TMTC2: variants seen among roughly 807,000 people sequenced by gnomAD.
The protein encoded by TMTC2 is transmembrane O-mannosyltransferase targeting cadherins 2, also known as protein O-mannosyl-transferase TMTC2.
In TMTC2, 43 loss-of-function variants were observed where a neutral mutation model predicts 82.4. The observed-to-expected ratio is 0.52, with a 90% CI of 0.41 to 0.67. The LOEUF (loss-of-function observed/expected upper bound fraction) is 0.67, where lower values mean the gene tolerates loss of function less well. Ranked by LOEUF, TMTC2 falls within the 30% of genes least tolerant of loss-of-function variation. TMTC2 has a pLI of 0.00. For missense variants in TMTC2, 919 were observed against 1,012.4 expected, an observed-to-expected ratio of 0.91 and a Z score of 1.25; for synonymous variants, 408 against 381.9, an observed-to-expected ratio of 1.07 and a Z score of -0.80.
At chr12:82,730,886 A>C (rs1294178028) in intron 1 of TMTC2, among the ~76,000 whole-genome samples, 2 of 152,212 alleles carry the variant, frequency 1.3e-5, no homozygotes, top group African/African-American at 4.8e-5. Flanking sequence ...ATGGATAGCT[A>C]TTCTGCTTTT....
At chr12:83,117,770 T>A (rs920560098) in intron 11 of TMTC2, among the ~76,000 whole-genome samples, 3 of 152,188 alleles carry the variant, frequency 2.0e-5, no homozygotes, top group African/African-American at 7.2e-5. Flanking sequence ...ACAATATTGA[T>A]TCTACCCATC....
At chr12:83,034,952 G>T (rs1205550481) in intron 9 of TMTC2, among the ~76,000 whole-genome samples, 1 of 152,208 alleles carries the variant, frequency 6.6e-6, no homozygotes. Context: ...TATGCCAACA[G>T]ATTGAATGAA....
intron 2 of TMTC2, among the ~76,000 whole-genome samples, chr12:82,862,552 A>G (rs952941009): frequency 5.9e-5 from 9 of 152,188 alleles, no homozygotes; most frequent in Non-Finnish European, 1.5e-5. Flanking sequence ...GCTAAAGTTT[A>G]TGTAGTTGGT....
chr12:82,857,787 C>G (rs558307788), intron 2 of TMTC2, among the ~76,000 whole-genome samples: 1 of 152,286 alleles, frequency 6.6e-6, no homozygotes, highest in South Asian at 2.1e-4. Flanking sequence ...TGGTTTCTTA[C>G]TTTCATGATT....
intron 11 of TMTC2, among the ~76,000 whole-genome samples, chr12:83,107,437 A>T (rs1187095793): frequency 6.6e-6 from 1 of 152,194 alleles, no homozygotes; most frequent in Non-Finnish European, 1.5e-5. Context: ...ACTTGGTGAG[A>T]CAGAGGAAAT....
chr12:82,736,438 G>A (rs570573888), intron 1 of TMTC2, among the ~76,000 whole-genome samples: 1 of 152,160 alleles, frequency 6.6e-6, no homozygotes, highest in East Asian at 1.9e-4. Context: ...ACATCTGTCA[G>A]TTTTTACTTT....
intron 11 of TMTC2, among the ~76,000 whole-genome samples, chr12:83,106,474 G>A (rs1276841848): frequency 6.8e-6 from 1 of 146,308 alleles, no homozygotes; most frequent in Non-Finnish European, 1.5e-5. Context: ...ACTCCAGCCT[G>A]GACAACAAGA....
At chr12:83,043,152 A>G (rs1217543415) in intron 9 of TMTC2, among the ~76,000 whole-genome samples, 6 of 152,216 alleles carry the variant, frequency 3.9e-5, no homozygotes, top group Non-Finnish European at 5.9e-5. Flanking sequence ...ACTCAGAAAA[A>G]GACACTCAGC....
At chr12:82,818,382 A>C (rs1292278413) in intron 1 of TMTC2, among the ~76,000 whole-genome samples, 1 of 152,106 alleles carries the variant, frequency 6.6e-6, no homozygotes, top group East Asian at 1.9e-4. Flanking sequence ...TGGGAAGTCC[A>C]AAAAATGAGG....
intron 11 of TMTC2, among the ~76,000 whole-genome samples, chr12:83,085,397 A>G (rs568969256): frequency 2.6e-5 from 4 of 152,178 alleles, no homozygotes; most frequent in Non-Finnish European, 5.9e-5. Flanking sequence ...AGTCAGAGAC[A>G]GTTTTCATCA....
At chr12:82,815,310 T>G (rs950233363) in intron 1 of TMTC2, among the ~76,000 whole-genome samples, 1 of 149,052 alleles carries the variant, frequency 6.7e-6, no homozygotes, top group Non-Finnish European at 1.5e-5. Flanking sequence ...AATTAATTAA[T>G]TATTTATTTA....
chr12:83,124,307 G>T (rs1383397516), intron 11 of TMTC2, among the ~76,000 whole-genome samples: 2 of 152,122 alleles, frequency 1.3e-5, no homozygotes, highest in Non-Finnish European at 2.9e-5. Flanking sequence ...CCTACATCAG[G>T]TTTTTCTGCT....
At chr12:83,125,077 G>T (rs534808411) in intron 11 of TMTC2, among the ~76,000 whole-genome samples, 138 of 152,162 alleles carry the variant, frequency 9.1e-4, no homozygotes, top group Non-Finnish European at 1.7e-3. Flanking sequence ...AGGTTATTCT[G>T]CATGCTGGCT....
intron 8 of TMTC2, among the ~76,000 whole-genome samples, chr12:83,025,052 G>T (rs955028049): frequency 6.6e-6 from 1 of 152,078 alleles, no homozygotes; most frequent in Middle Eastern, 3.2e-3. Context: ...AATTAGCCGG[G>T]TGTGGTGGTG....
At chr12:82,749,064 T>C (rs962488409) in intron 1 of TMTC2, among the ~76,000 whole-genome samples, 58 of 152,250 alleles carry the variant, frequency 3.8e-4, no homozygotes, top group Non-Finnish European at 1.3e-4. Flanking sequence ...TAAGTGTAGC[T>C]TCTTGTTTTA....
At chr12:83,039,834 G>A (rs1339455229) in intron 9 of TMTC2, among the ~76,000 whole-genome samples, 1 of 152,160 alleles carries the variant, frequency 6.6e-6, no homozygotes, top group East Asian at 1.9e-4. Context: ...CAAAAAACGA[G>A]AAAGAAATGA....
chr12:83,082,797 G>A (rs1486791531), intron 11 of TMTC2, among the ~76,000 whole-genome samples: 1 of 152,202 alleles, frequency 6.6e-6, no homozygotes, highest in Non-Finnish European at 1.5e-5. Flanking sequence ...GACATGTGGA[G>A]CACATAGGAT....
intron 1 of TMTC2, among the ~76,000 whole-genome samples, chr12:82,785,872 G>A (rs1878155686): frequency 6.6e-6 from 1 of 152,004 alleles, no homozygotes; most frequent in African/African-American, 2.4e-5. Flanking sequence ...CTGCTAAATG[G>A]GTAAAAGGCA....
At chr12:82,821,675 A>C (rs1869117787) in intron 1 of TMTC2, among the ~76,000 whole-genome samples, 1 of 152,098 alleles carries the variant, frequency 6.6e-6, no homozygotes, top group African/African-American at 2.4e-5. Context: ...GTTCAAGATC[A>C]GCCTGGCCAA....
Sources: allele counts gnomAD v4.1 joint callset (sites outside exome capture counted in the v4.1 genomes callset), GRCh38; gene constraint gnomAD v4.1.1; transcripts MANE v1.5; gene names NCBI Gene and HGNC (gene_info 2026-07-23, HGNC 2026-07-21).